TMEM182: variants seen among roughly 807,000 people sequenced by gnomAD.
The protein encoded by TMEM182 is transmembrane protein 182.
TMEM182 carries 20 observed loss-of-function variants against 26.8 expected under a neutral mutation model. That is an observed-to-expected ratio of 0.75 (90% CI 0.53 to 1.09). The LOEUF is 1.09. TMEM182 is among the 50% of genes least tolerant of loss of function. TMEM182 has a pLI of 0.00. For missense variants in TMEM182, 277 were observed against 275.5 expected (o/e 1.01, Z -0.04); for synonymous variants, 109 against 102.2 (o/e 1.07, Z -0.40).
At chr2:102,748,312 C>G (rs1453453489) in intron 1 of TMEM182, among the ~76,000 whole-genome samples, 1 of 152,242 alleles carries the variant, frequency 6.6e-6, no homozygotes, top group African/African-American at 2.4e-5. Context: ...CTGGGTCTAT[C>G]TAGTCCTGTG....
chr2:102,774,449 G>A (rs560090193), intron 3 of TMEM182, among the ~76,000 whole-genome samples: 21 of 150,310 alleles, frequency 1.4e-4, no homozygotes, highest in African/African-American at 5.1e-4. Flanking sequence ...ATTTTCAGTA[G>A]AGATGGGGTT....
At chr2:102,752,300 G>C (rs1214595876) in intron 1 of TMEM182, among the ~76,000 whole-genome samples, 2 of 152,208 alleles carry the variant, frequency 1.3e-5, no homozygotes, top group African/African-American at 4.8e-5. Flanking sequence ...CTACCTAAGT[G>C]TTGGGCATTG....
At chr2:102,790,388 A>G (rs1477861740) in intron 3 of TMEM182, among the ~76,000 whole-genome samples, 1 of 152,198 alleles carries the variant, frequency 6.6e-6, no homozygotes, top group Non-Finnish European at 1.5e-5. Context: ...CATCTAAATT[A>G]ATGAGGTTTT....
At chr2:102,756,735 A>G (rs1476560954) in intron 1 of TMEM182, among the ~76,000 whole-genome samples, 1 of 152,190 alleles carries the variant, frequency 6.6e-6, no homozygotes, top group Admixed American at 6.5e-5. Context: ...ACGGAAACTC[A>G]GAGAGTTGAG....
chr2:102,793,194 C>G (rs1681722657), intron 3 of TMEM182, among the ~76,000 whole-genome samples: 2 of 152,168 alleles, frequency 1.3e-5, no homozygotes, highest in African/African-American at 4.8e-5. Context: ...ATCTTTCAAA[C>G]TGTTCTTCAG....
chr2:102,829,379 T>C (rs926438963), intron 3 of TMEM182, among the ~76,000 whole-genome samples: 2 of 152,186 alleles, frequency 1.3e-5, no homozygotes, highest in Non-Finnish European at 2.9e-5. Flanking sequence ...CAATGACTTA[T>C]AAGTTATGAC....
intron 3 of TMEM182, among the ~76,000 whole-genome samples, chr2:102,791,872 CATAT>C (rs1681655442): frequency 6.6e-6 from 1 of 151,896 alleles, no homozygotes; most frequent in African/African-American, 2.4e-5. Context: ...TTTACAAGCT[CATAT>C]AAAGAACAAG....
chr2:102,838,960 G>A (rs932932153), intron 3 of TMEM182, among the ~76,000 whole-genome samples: 5 of 152,176 alleles, frequency 3.3e-5, no homozygotes, highest in African/African-American at 1.2e-4. Flanking sequence ...ACAGAGTCCT[G>A]TATTTCATCT....
In TMEM182 at chr2:102,815,879, C is replaced by T. The variant is rs544840835; in HGVS notation, c.*911C>T. Reference sequence around the variant, plus strand: ...ATATTTTTTAGATATAAACTTTCAACGTACTTCCATATGAGGATTATAATA... The same window carrying T: ...ATATTTTTTAGATATAAACTTTCAATGTACTTCCATATGAGGATTATAATA... On this transcript the variant is annotated 3_prime_UTR_variant, in exon 5 of 5. Transcript: ENST00000412401. 1.6e-3 allele frequency: 1,453 copies of T among 923,542 alleles called. 4 individuals are homozygous for T. Among genetic ancestry groups the T allele is most frequent in the Non-Finnish European group, 1.7e-3 (1,336 of 774,058 alleles). The allele number at this position is 923,542 out of a possible 1,614,324, so 57.2% of individuals were successfully genotyped here. A position where few individuals can be genotyped will look rare whatever the true frequency, so the allele number is the denominator to read the frequency against.
At chr2:102,760,677 C>T (rs187020357), upstream of TMEM182, among the ~76,000 whole-genome samples, 18 of 152,106 alleles carry the variant, frequency 1.2e-4, no homozygotes, top group East Asian at 1.9e-4. Context: ...TGCAATGGCA[C>T]GATCTCGGCT....
intron 3 of TMEM182, among the ~76,000 whole-genome samples, chr2:102,784,360 T>G (rs1358138267): frequency 1.3e-5 from 2 of 151,972 alleles, no homozygotes; most frequent in Non-Finnish European, 2.9e-5. Context: ...TTCTACCTTT[T>G]TTTTTTTGGT....
At chr2:102,803,772 G>A (rs2540278) in intron 4 of TMEM182, among the ~76,000 whole-genome samples, 76,523 of 152,028 alleles carry the variant, frequency 0.5, 19,478 homozygotes, top group South Asian at 0.62. Context: ...GTCAGAGCAG[G>A]AGAGTGTGTG....
At chr2:102,772,136 G>A (rs555646066) in intron 3 of TMEM182, among the ~76,000 whole-genome samples, 3 of 152,294 alleles carry the variant, frequency 2.0e-5, no homozygotes, top group East Asian at 1.9e-4. Context: ...TTCAAACCCC[G>A]AAGGAGAAAG....
rs1432012912 is a variant in TMEM182 at position 102,817,554 on chromosome 2, G to A, written c.*2586G>A. ...GTACAATTTGAGGGTTGATGGTAGGGCTTTCTAAAAAAAGTAATATCAAGT... is the reference window on the plus strand; with the variant it reads ...GTACAATTTGAGGGTTGATGGTAGGACTTTCTAAAAAAAGTAATATCAAGT... On this transcript the variant is annotated 3_prime_UTR_variant, in exon 5 of 5. Transcript: ENST00000412401. 1.0e-6 allele frequency: 1 copy of A among 985,222 alleles called. No homozygotes were observed. The highest frequency in any genetic ancestry group is 1.2e-6 in the Non-Finnish European group (1 of 829,874). 61.0% of individuals were successfully genotyped at this position (985,222 alleles called of 1,614,324 possible).
intron 3 of TMEM182, among the ~76,000 whole-genome samples, chr2:102,780,000 T>C (rs2104694516): frequency 6.6e-6 from 1 of 151,806 alleles, no homozygotes; most frequent in African/African-American, 2.4e-5. Flanking sequence ...TGAAACTCTG[T>C]CTTGGGAAAA....
Position 102,799,581 on chromosome 2 carries a change from G to A in TMEM182, c.469+1581G>A, listed in dbSNP as rs1306095004. ...GGGCAGCTGTGTAGAAATATGATTG[G>A]ACAAAAAGGGCAGGATCTAATGGTC... On this transcript the variant is annotated intron_variant, in intron 4 of 4. Transcript: ENST00000412401. Among the ~76,000 whole-genome samples the A allele has an allele frequency of 2.0e-5, 3 of 152,118 alleles. No individual in the cohort carries two copies. The South Asian group carries it at 6.2e-4, about 32-fold the overall frequency.
chr2:102,752,652 A>T (rs1165056353), intron 1 of TMEM182, among the ~76,000 whole-genome samples: 3 of 152,186 alleles, frequency 2.0e-5, no homozygotes, highest in African/African-American at 7.2e-5. Context: ...CTCACTGATT[A>T]GGTTGTCTTT....
intron 3 of TMEM182, among the ~76,000 whole-genome samples, chr2:102,788,577 C>T (rs1383973574): frequency 2.6e-5 from 4 of 152,008 alleles, no homozygotes; most frequent in Non-Finnish European, 5.9e-5. Flanking sequence ...TACTGCAAAG[C>T]CACCCTTCCT....
At chr2:102,760,606 T>A (rs1196072611), upstream of TMEM182, among the ~76,000 whole-genome samples, 1 of 152,160 alleles carries the variant, frequency 6.6e-6, no homozygotes, top group East Asian at 1.9e-4. Flanking sequence ...ATTCATGTTT[T>A]TTTTTGTTTG....
Sources: allele counts gnomAD v4.1 joint callset (sites outside exome capture counted in the v4.1 genomes callset), GRCh38; gene constraint gnomAD v4.1.1; transcripts MANE v1.5; gene names NCBI Gene and HGNC (gene_info 2026-07-23, HGNC 2026-07-21).